Variants in ZNF382 observed in about 807,000 individuals in gnomAD.
ZNF382 encodes the protein zinc finger protein 382.
In ZNF382, 20 loss-of-function variants were observed where a neutral mutation model predicts 38.8. The observed-to-expected ratio is 0.51, with a 90% CI of 0.36 to 0.75. ZNF382 has a LOEUF of 0.75. Among genes scored for constraint, ZNF382 ranks in the 30% least tolerant of loss-of-function variants. ZNF382 has a pLI of 0.00. For synonymous variants in ZNF382, 202 were observed against 223.1 expected, an observed-to-expected ratio of 0.91 and a Z score of 0.84; for missense variants, 546 against 654.1, an observed-to-expected ratio of 0.83 and a Z score of 1.80.
chr19:36,624,928 T>C (rs1198815696), intron 4 of ZNF382, among the ~76,000 whole-genome samples: 2 of 149,924 alleles, frequency 1.3e-5, no homozygotes, highest in Non-Finnish European at 3.0e-5. Flanking sequence ...ATTAGCTGGA[T>C]ATGGTGGCAC....
Position 36,609,969 on chromosome 19 carries a change from G to C in ZNF382, c.55G>C (p.Glu19Gln). 1 of 1,614,046 alleles carries C rather than the reference G, an allele frequency of 6.2e-7. No individual in the cohort carries two copies. Residue 19 changes from glutamate (E) to glutamine (Q), a missense_variant, in exon 3 of 5, where the codon GAG (glutamate) becomes CAG (glutamine). By Grantham distance (29) the Glu-to-Gln change is conservative. Coordinates refer to ENST00000292928, the MANE Select transcript of ZNF382 (RefSeq NM_032825.5). ...FKDVTVDFTQEEWQQLDPAQK... is the reference protein window; with the variant it reads ...FKDVTVDFTQQEWQQLDPAQK... ...GGATGTGACTGTGGACTTCACCCAG[G>C]AGGAGTGGCAGCAACTAGACCCTGC...
Position 36,627,085 on chromosome 19 carries a change from T to C in ZNF382, c.1188T>C (p.Ile396=). 6.2e-7 allele frequency: 1 copy of C among 1,614,094 alleles called. No individual in the cohort carries two copies. The highest frequency in any genetic ancestry group is 8.5e-7 in the Non-Finnish European group (1 of 1,180,024). The stretch of plus-strand genomic sequence containing the variant: ...CCTTTAGGAAGAAGTCATACCTCAT[T>C]GATCACCAGAGAACTCACACAGGAG... ...GSAFRKKSYL[I]DHQRTHTGEK... is the part of the protein sequence containing the mutation. Residue 396 remains isoleucine, a synonymous_variant, in exon 5 of 5, where the codon ATT becomes ATC. Transcript: ENST00000292928.
intron 4 of ZNF382, among the ~76,000 whole-genome samples, chr19:36,613,991 CT>C (rs2037100165): frequency 6.6e-6 from 1 of 152,074 alleles, no homozygotes; most frequent in Non-Finnish European, 1.5e-5. Context: ...ATTATTGTAA[CT>C]TTATAATAAG....
chr19:36,618,633 T>C (rs2037144272), intron 4 of ZNF382, among the ~76,000 whole-genome samples: 1 of 152,210 alleles, frequency 6.6e-6, no homozygotes, highest in Admixed American at 6.5e-5. Context: ...AAAGATTGCA[T>C]CCACTTCAGC....
chr19:36,612,407 A>G (rs998069789), intron 4 of ZNF382, among the ~76,000 whole-genome samples: 6 of 152,248 alleles, frequency 3.9e-5, no homozygotes, highest in African/African-American at 1.4e-4. Flanking sequence ...CAAAGCTGCT[A>G]TAATCATTCT....
rs950156894 is a variant in ZNF382, at chr19:36,630,611, G to A, written c.*3061G>A. The A allele has an allele frequency of 3.3e-5, 5 of 152,174 alleles. No homozygotes were observed. The highest frequency in any genetic ancestry group is 5.9e-5 in the Non-Finnish European group (4 of 68,040). 9.4% of individuals were successfully genotyped at this position (152,174 alleles called of 1,614,324 possible). On this transcript the variant is annotated 3_prime_UTR_variant, in exon 5 of 5. Coordinates refer to ENST00000292928, the MANE Select transcript of ZNF382 (RefSeq NM_032825.5). The stretch of plus-strand genomic sequence containing the variant: ...GCCTCCCAAAGTGCTGAGATTACAG[G>A]TGTGAGCCACCGCACCCAGCCGAAA...
rs34035471 is a variant in ZNF382, at chr19:36,633,042, CTTT to C, written c.*5505_*5507del. The C allele has an allele frequency of 9.2e-5, 13 of 141,564 alleles. No individual in the cohort carries two copies. Among genetic ancestry groups the C allele is most frequent in the Non-Finnish European group, 7.7e-5 (5 of 64,800 alleles). The allele number at this position is 141,564 out of a possible 1,614,324, so 8.8% of individuals were successfully genotyped here. A position where few individuals can be genotyped will look rare whatever the true frequency, so the allele number is the denominator to read the frequency against. ...AGATATTTATCAGTTTATAATCAGG[CTTT>C]TTTTTTTTTTTTGAGACAGTGTCTC... On this transcript the variant is annotated 3_prime_UTR_variant, in exon 5 of 5. Transcript: ENST00000292928.
At chr19:36,612,855 A>G (rs943517693) in intron 4 of ZNF382, among the ~76,000 whole-genome samples, 4 of 152,130 alleles carry the variant, frequency 2.6e-5, no homozygotes, top group Admixed American at 6.5e-5. Flanking sequence ...GCAGTAGCAC[A>G]ATCTTGGCTC....
In ZNF382 at chr19:36,630,290, T is replaced by C. The variant is rs2037245294; in HGVS notation, c.*2740T>C. ...CAGAGAGAAATCAAGGTATGGAATCTAATGAATGTCCGTGAAGGAGGTACT... is the reference window on the plus strand; with the variant it reads ...CAGAGAGAAATCAAGGTATGGAATCCAATGAATGTCCGTGAAGGAGGTACT... On this transcript the variant is annotated 3_prime_UTR_variant, in exon 5 of 5. Coordinates refer to ENST00000292928, the MANE Select transcript of ZNF382 (RefSeq NM_032825.5). 6.6e-6 allele frequency: 1 copy of C among 151,970 alleles called. No individual in the cohort carries two copies. Among genetic ancestry groups the C allele is most frequent in the Non-Finnish European group, 1.5e-5 (1 of 68,012 alleles). 9.4% of individuals were successfully genotyped at this position (151,970 alleles called of 1,614,324 possible).
rs780067357 is a variant in ZNF382, at chr19:36,630,300, C to T, written c.*2750C>T. On this transcript the variant is annotated 3_prime_UTR_variant, in exon 5 of 5. Transcript: ENST00000292928. ...TCAAGGTATGGAATCTAATGAATGTCCGTGAAGGAGGTACTTTTGAATGCT... is the reference window on the plus strand; with the variant it reads ...TCAAGGTATGGAATCTAATGAATGTTCGTGAAGGAGGTACTTTTGAATGCT... The T allele has an allele frequency of 9.2e-5, 14 of 151,924 alleles. No individual in the cohort carries two copies. Among genetic ancestry groups the T allele is most frequent in the Non-Finnish European group, 1.6e-4 (11 of 68,004 alleles). 9.4% of individuals were successfully genotyped at this position (151,924 alleles called of 1,614,324 possible).
At position 36,631,933 on chromosome 19, in the gene ZNF382, G is replaced by A. The variant is rs964875752; in HGVS notation, c.*4383G>A. The A allele has an allele frequency of 6.6e-6, 1 of 152,174 alleles. No individual in the cohort carries two copies. Among genetic ancestry groups the A allele is most frequent in the African/African-American group, 2.4e-5 (1 of 41,444 alleles). 9.4% of individuals were successfully genotyped at this position (152,174 alleles called of 1,614,324 possible). A position where few individuals can be genotyped will look rare whatever the true frequency, so the allele number is the denominator to read the frequency against. ...AGGTCATAAGGCATATGCAAAATGA[G>A]TTCATCAGTTCAGAGGACTAACAGG... On this transcript the variant is annotated 3_prime_UTR_variant, in exon 5 of 5. Transcript: ENST00000292928.
Position 36,627,226 on chromosome 19 carries a change from G to T in ZNF382, c.1329G>T (p.Lys443Asn), listed in dbSNP as rs200339859. ...CCTATATTTGCAATGAATGTGGGAA[G>T]TCCTTCTGCCAAAAGACAACCCTCA... ...EKPYICNECG[K>N]SFCQKTTLTL... Residue 443 changes from lysine (K) to asparagine (N), a missense_variant, in exon 5 of 5, where the codon AAG becomes AAT. Lys to Asn is a moderately conservative substitution (Grantham distance 94). Transcript: ENST00000292928. The T allele has an allele frequency of 5.0e-6, 8 of 1,613,868 alleles. No individual in the cohort carries two copies. Among genetic ancestry groups the T allele is most frequent in the Non-Finnish European group, 6.8e-6 (8 of 1,180,018 alleles).
intron 4 of ZNF382, among the ~76,000 whole-genome samples, chr19:36,617,596 AT>A (rs1367468824): frequency 6.6e-6 from 1 of 152,230 alleles, no homozygotes. Context: ...TGTAAGGCAG[AT>A]CTCAGGGACT....
intron 4 of ZNF382, among the ~76,000 whole-genome samples, chr19:36,613,924 A>G (rs562308787): frequency 2.0e-4 from 30 of 152,352 alleles, no homozygotes; most frequent in African/African-American, 7.2e-4. Context: ...TTTTTGGACA[A>G]TCTGTTGTTT....
At position 36,610,431 on chromosome 19, in the gene ZNF382, G is replaced by C. The variant is rs532933969; in HGVS notation, c.140-219G>C. ...AGATTGCACCACTGCACTCCAGCCT[G>C]AGTGAAAGAGTGAGACTGTCTCAAA... On this transcript the variant is annotated intron_variant, in intron 3 of 4. Transcript: ENST00000292928. 3.7e-5 allele frequency: 15 copies of C among 402,708 alleles called. No homozygotes were observed. In the South Asian group the frequency reaches 4.0e-4, roughly 11 times the overall value. The allele number at this position is 402,708 out of a possible 1,614,324, so 24.9% of individuals were successfully genotyped here.
intron 4 of ZNF382, among the ~76,000 whole-genome samples, chr19:36,614,919 C>CTTCCCTTTCCGTTTCCCTTTCCG (rs1568628635): frequency 1.2e-5 from 1 of 80,952 alleles, no homozygotes; most frequent in Non-Finnish European, 2.7e-5. Flanking sequence ...CTTTCCTTCC[C>CTTCCCTTTCCGTTTCCCTTTCCG]TTTCCCTTTC....
At position 36,621,591 on chromosome 19, in the gene ZNF382, TACACACACAC is replaced by T. The variant is rs34609656; in HGVS notation, c.233-4521_233-4512del. ...TCAACCAACTGTAAATAGAAAAAAA[TACACACACAC>T]ACACACACACACACACAAAATACAA... On this transcript the variant is annotated intron_variant, in intron 4 of 4. Coordinates refer to ENST00000292928, the MANE Select transcript of ZNF382 (RefSeq NM_032825.5). Among the ~76,000 whole-genome samples the T allele has an allele frequency of 1.0e-4, 15 of 145,292 alleles. No individual in the cohort carries two copies. The South Asian group carries it at 2.2e-3, about 21-fold the overall frequency.
intron 2 of ZNF382, chr19:36,609,627 G>A: frequency 4.3e-6 from 1 of 230,572 alleles, no homozygotes; most frequent in Admixed American, 5.7e-5. Context: ...CTAAGTGCAT[G>A]TATTTACATG....
chr19:36,627,111 A>G lies in ZNF382; in HGVS notation c.1214A>G (p.Glu405Gly). 6.2e-7 allele frequency: 1 copy of G among 1,614,196 alleles called. No homozygotes were observed. The highest frequency in any genetic ancestry group is 8.5e-7 in the Non-Finnish European group (1 of 1,180,038). The change falls in exon 5 of 5, where the codon GAG becomes GGG. Residue 405 changes from glutamate to glycine, a missense_variant. By Grantham distance (98) the Glu-to-Gly change is moderately conservative (BLOSUM62 -2). Coordinates refer to ENST00000292928, the MANE Select transcript of ZNF382 (RefSeq NM_032825.5). Reference sequence around the variant, plus strand: ...GATCACCAGAGAACTCACACAGGAGAGAAACCGTATCAGTGTAATGAGTGT... The same window carrying G: ...GATCACCAGAGAACTCACACAGGAGGGAAACCGTATCAGTGTAATGAGTGT... The part of the protein sequence containing the change: ...LIDHQRTHTG[E>G]KPYQCNECGK...
Sources: gnomAD v4.1 joint callset for allele counts (sites outside exome capture counted in the v4.1 genomes callset) on GRCh38, gnomAD v4.1.1 for gene constraint, MANE v1.5 for transcripts, NCBI Gene and HGNC (gene_info 2026-07-23, HGNC 2026-07-21) for gene names.